Variants in GSTCD observed in about 807,000 individuals in gnomAD.
GSTCD encodes the protein glutathione S-transferase C-terminal domain-containing protein.
Under a neutral mutation model 68.3 loss-of-function variants are expected in GSTCD, and 44 were observed. That is an observed-to-expected ratio of 0.64 (90% CI 0.51 to 0.83). The LOEUF (loss-of-function observed/expected upper bound fraction) is 0.83, where lower values mean the gene tolerates loss of function less well. Ranked by LOEUF, GSTCD falls within the 40% of genes least tolerant of loss-of-function variation. The pLI is 0.00. For synonymous variants in GSTCD, 273 were observed against 255.2 expected, an observed-to-expected ratio of 1.07 and a Z score of -0.67; for missense variants, 739 against 735.9, an observed-to-expected ratio of 1.00 and a Z score of -0.05.
chr4:105,782,771 C>T (rs1735327950), intron 5 of GSTCD, among the ~76,000 whole-genome samples: 1 of 151,942 alleles, frequency 6.6e-6, no homozygotes, highest in South Asian at 2.1e-4. Context: ...ATAATAGAGA[C>T]GGGGTTTCAC....
intron 5 of GSTCD, among the ~76,000 whole-genome samples, chr4:105,743,298 C>T (rs961892968): frequency 1.3e-4 from 20 of 151,964 alleles, no homozygotes; most frequent in African/African-American, 3.9e-4. Context: ...GCTTCTGATA[C>T]GCTATAATTA....
intron 5 of GSTCD, among the ~76,000 whole-genome samples, chr4:105,766,074 T>C (rs533488145): frequency 6.6e-6 from 1 of 152,316 alleles, no homozygotes; most frequent in East Asian, 1.9e-4. Flanking sequence ...ATAGGAACCA[T>C]TCTAAATACT....
intron 11 of GSTCD, among the ~76,000 whole-genome samples, chr4:105,843,785 A>G (rs1243250377): frequency 6.6e-6 from 1 of 152,042 alleles, no homozygotes; most frequent in East Asian, 1.9e-4. Flanking sequence ...ACACATTCAA[A>G]TGATAGCAAT....
intron 8 of GSTCD, among the ~76,000 whole-genome samples, chr4:105,828,678 G>A (rs568410936): frequency 3.9e-4 from 60 of 152,248 alleles, no homozygotes; most frequent in African/African-American, 1.4e-3. Context: ...GGAGAAGGAA[G>A]ATAAAATTTA....
intron 8 of GSTCD, among the ~76,000 whole-genome samples, chr4:105,832,609 C>A (rs2149282465): frequency 6.6e-6 from 1 of 152,174 alleles, no homozygotes; most frequent in African/African-American, 2.4e-5. Flanking sequence ...AGCATCCTGC[C>A]CCTCAGTAGC....
chr4:105,762,148 A>C (rs1315919797), intron 5 of GSTCD, among the ~76,000 whole-genome samples: 2 of 152,196 alleles, frequency 1.3e-5, no homozygotes, highest in East Asian at 3.8e-4. Flanking sequence ...CCTTTGCATA[A>C]TTTTTATACC....
In GSTCD at chr4:105,845,571, C is replaced by T; in HGVS notation, c.1896C>T (p.Pro632=). ...AAAATAACATGATTGTGGGAGTCCC[C>T]ATTTAAAATGAGATATTCACATTTG... ...SPKNNMIVGV[P]I The change falls in exon 12 of 12, where the codon CCC becomes CCT. Residue 632 remains proline (P), a synonymous_variant. Coordinates refer to ENST00000515279, the MANE Select transcript of GSTCD (RefSeq NM_001370181.1). The T allele has an allele frequency of 6.2e-7, 1 of 1,613,974 alleles. No homozygotes were observed. Among genetic ancestry groups the T allele is most frequent in the Non-Finnish European group, 8.5e-7 (1 of 1,179,966 alleles).
At chr4:105,740,288 G>T (rs1232209969) in intron 5 of GSTCD, among the ~76,000 whole-genome samples, 1 of 151,780 alleles carries the variant, frequency 6.6e-6, no homozygotes, top group East Asian at 2.0e-4. Context: ...ACTCCAGTAG[G>T]ACTCACTACT....
chr4:105,809,997 T>C (rs918842878), intron 5 of GSTCD, among the ~76,000 whole-genome samples: 2 of 152,080 alleles, frequency 1.3e-5, no homozygotes, highest in African/African-American at 4.8e-5. Context: ...ACCTAGTTTT[T>C]TTTATTATAA....
At chr4:105,743,955 C>T (rs571636965) in intron 5 of GSTCD, among the ~76,000 whole-genome samples, 20 of 152,174 alleles carry the variant, frequency 1.3e-4, no homozygotes, top group African/African-American at 1.9e-4. Flanking sequence ...CACCATGCCT[C>T]GCCAAAACAG....
chr4:105,797,800 A>T (rs1204971884), intron 5 of GSTCD, among the ~76,000 whole-genome samples: 2 of 114,216 alleles, frequency 1.8e-5, no homozygotes, highest in Non-Finnish European at 3.3e-5. Flanking sequence ...TTTGAGACAG[A>T]GTCTTGCCCT....
rs1658015021 is a variant in GSTCD at position 105,719,448 on chromosome 4, C to T, written c.815C>T (p.Pro272Leu). The T allele has an allele frequency of 1.9e-6, 3 of 1,613,958 alleles. No individual in the cohort carries two copies. Among genetic ancestry groups the T allele is most frequent in the Admixed American group, 3.3e-5 (2 of 59,968 alleles). Residue 272 changes from proline (P) to leucine (L), a missense_variant, in exon 3 of 12, where the codon CCT becomes CTT. Pro to Leu is a moderately conservative substitution (Grantham distance 98, BLOSUM62 -3). Coordinates refer to ENST00000515279, the MANE Select transcript of GSTCD (RefSeq NM_001370181.1). ...AAAGCAAAAGCCTCCGACCTTCCACCTCTGGAGCATGTGTTTGCAGAAGGG... is the reference window on the plus strand; with the variant it reads ...AAAGCAAAAGCCTCCGACCTTCCACTTCTGGAGCATGTGTTTGCAGAAGGG... ...IRKAKASDLP[P>L]LEHVFAEGLY... is the part of the protein sequence containing the mutation.
chr4:105,716,898 G>C (rs1732697412), intron 1 of GSTCD, among the ~76,000 whole-genome samples: 1 of 152,142 alleles, frequency 6.6e-6, no homozygotes, highest in Non-Finnish European at 1.5e-5. Context: ...TCTCTAAGGA[G>C]GGTGGGAAGA....
At chr4:105,746,817 G>A (rs1055647503) in intron 5 of GSTCD, among the ~76,000 whole-genome samples, 1 of 152,052 alleles carries the variant, frequency 6.6e-6, no homozygotes, top group Non-Finnish European at 1.5e-5. Flanking sequence ...AGAATGAACT[G>A]ACCCTTAACA....
intron 7 of GSTCD, among the ~76,000 whole-genome samples, chr4:105,824,196 C>T (rs766169664): frequency 1.4e-4 from 21 of 151,894 alleles, no homozygotes; most frequent in African/African-American, 4.3e-4. Context: ...AGAATGATGA[C>T]GAGGGGACAG....
intron 7 of GSTCD, among the ~76,000 whole-genome samples, chr4:105,824,395 C>T (rs759501362): frequency 1.3e-5 from 2 of 151,810 alleles, no homozygotes; most frequent in Admixed American, 6.6e-5. Flanking sequence ...TTTTTTCTTC[C>T]CTTATTAATA....
intron 1 of GSTCD, among the ~76,000 whole-genome samples, chr4:105,709,619 C>T (rs1732450324): frequency 6.6e-6 from 1 of 152,194 alleles, no homozygotes; most frequent in African/African-American, 2.4e-5. Context: ...ACGTACTTCC[C>T]ATCCCAACTT....
intron 5 of GSTCD, among the ~76,000 whole-genome samples, chr4:105,820,808 C>T (rs1723247895): frequency 6.6e-6 from 1 of 151,734 alleles, no homozygotes; most frequent in Non-Finnish European, 1.5e-5. Flanking sequence ...GCAGTATTAG[C>T]AAGAAAAATA....
intron 1 of GSTCD, among the ~76,000 whole-genome samples, chr4:105,709,642 TG>T (rs1481746858): frequency 6.6e-6 from 1 of 152,230 alleles, no homozygotes; most frequent in Non-Finnish European, 1.5e-5. Flanking sequence ...TACCTGGTTT[TG>T]GGATGAGATG....
Sources: gnomAD v4.1 joint callset for allele counts (sites outside exome capture counted in the v4.1 genomes callset) on GRCh38, gnomAD v4.1.1 for gene constraint, MANE v1.5 for transcripts, NCBI Gene and HGNC (gene_info 2026-07-23, HGNC 2026-07-21) for gene names.